ADGRL3: variants seen among roughly 807,000 people sequenced by gnomAD.
ADGRL3 encodes the protein calcium-independent alpha-latrotoxin receptor 3.
A neutral mutation model predicts 153.5 loss-of-function variants in ADGRL3; 62 were observed. That is an observed-to-expected ratio of 0.40 (90% CI 0.33 to 0.50). The LOEUF is 0.50. Among genes scored for constraint, ADGRL3 ranks in the 20% least tolerant of loss-of-function variants. The pLI, the probability that ADGRL3 is intolerant of heterozygous loss-of-function variation, is 0.47. For synonymous variants in ADGRL3, 710 were observed against 672.5 expected, an observed-to-expected ratio of 1.06 and a Z score of -0.86; for missense variants, 1,641 against 1,859.4, an observed-to-expected ratio of 0.88 and a Z score of 2.16.
chr4:61,915,098 T>A (rs1314735070), intron 13 of ADGRL3, among the ~76,000 whole-genome samples: 2 of 151,918 alleles, frequency 1.3e-5, no homozygotes, highest in Non-Finnish European at 2.9e-5. Context: ...AAAGGAGAAT[T>A]TCAACATTGA....
intron 6 of ADGRL3, chr4:61,677,309 C>A: frequency 2.8e-6 from 1 of 350,952 alleles, no homozygotes; most frequent in Non-Finnish European, 5.4e-6. Context: ...GCAGTTGATA[C>A]ATTTTGAATT....
At chr4:61,579,766 A>G (rs1329299195) in intron 4 of ADGRL3, among the ~76,000 whole-genome samples, 1 of 152,018 alleles carries the variant, frequency 6.6e-6, no homozygotes, top group African/African-American at 2.4e-5. Flanking sequence ...ATTCTTTTTT[A>G]ATTGTCACTT....
chr4:61,754,606 GTA>G (rs201445106), intron 8 of ADGRL3, among the ~76,000 whole-genome samples: 1 of 146,986 alleles, frequency 6.8e-6, no homozygotes, highest in African/African-American at 2.6e-5. Flanking sequence ...AGATCTGAGT[GTA>G]TATATATATA....
intron 5 of ADGRL3, among the ~76,000 whole-genome samples, chr4:61,650,510 G>A (rs1406767672): frequency 6.6e-6 from 1 of 152,068 alleles, no homozygotes; most frequent in Non-Finnish European, 1.5e-5. Context: ...AACTTAAATA[G>A]TAAATTTTAT....
At chr4:61,295,863 C>G (rs912209882) in intron 1 of ADGRL3, among the ~76,000 whole-genome samples, 12 of 151,488 alleles carry the variant, frequency 7.9e-5, no homozygotes, top group African/African-American at 2.7e-4. Flanking sequence ...GTCCTAGCTA[C>G]TTGGGAGGCT....
At position 61,658,751 on chromosome 4, in the gene ADGRL3, C is replaced by A. The variant is rs1361895215; in HGVS notation, c.474-18075C>A. Among the ~76,000 whole-genome samples the A allele has an allele frequency of 3.3e-5, 5 of 151,858 alleles. No homozygotes were observed. The East Asian group carries it at 7.8e-4, about 24-fold the overall frequency. On this transcript the variant is annotated intron_variant, in intron 5 of 26. Coordinates refer to ENST00000683033, the MANE Select transcript of ADGRL3 (RefSeq NM_001387552.1). Reference sequence around the variant, plus strand: ...TTATCTGCCTGCCATGCCTTTTCTACCCTCATTCATTTCATCAAGCTGATT... The same window carrying A: ...TTATCTGCCTGCCATGCCTTTTCTAACCTCATTCATTTCATCAAGCTGATT...
At chr4:61,633,089 C>G (rs569964274) in intron 5 of ADGRL3, among the ~76,000 whole-genome samples, 1 of 152,148 alleles carries the variant, frequency 6.6e-6, no homozygotes, top group East Asian at 1.9e-4. Flanking sequence ...AAGGAGTAAA[C>G]TGCATAATAG....
chr4:62,029,418 C>T (rs1017184009), intron 22 of ADGRL3, among the ~76,000 whole-genome samples: 1 of 151,684 alleles, frequency 6.6e-6, no homozygotes, highest in Non-Finnish European at 1.5e-5. Flanking sequence ...AAATTTGACA[C>T]CTGTCACTTG....
chr4:61,913,483 T>A (rs1398465819), intron 13 of ADGRL3, among the ~76,000 whole-genome samples: 2 of 152,168 alleles, frequency 1.3e-5, no homozygotes, highest in Non-Finnish European at 2.9e-5. Flanking sequence ...TTATTCTACA[T>A]GTATACATTT....
intron 2 of ADGRL3, among the ~76,000 whole-genome samples, chr4:61,441,175 C>T (rs1329006651): frequency 3.3e-5 from 5 of 152,092 alleles, no homozygotes; most frequent in African/African-American, 1.2e-4. Context: ...TCTGTATCTC[C>T]AAAAGCCTGA....
At position 61,490,268 on chromosome 4, in the gene ADGRL3, T is replaced by G. The variant is rs554683995; in HGVS notation, c.-173-6853T>G. On this transcript the variant is annotated intron_variant, in intron 2 of 26. Transcript: ENST00000683033. ...CGGTTTTTTTCAACTCTCTTCTTCTTTATCAAATTTGGATTTATATTTTAC... is the reference window on the plus strand; with the variant it reads ...CGGTTTTTTTCAACTCTCTTCTTCTGTATCAAATTTGGATTTATATTTTAC... Among the ~76,000 whole-genome samples, 18 of 150,378 alleles carry G rather than the reference T, an allele frequency of 1.2e-4. 1 individual carries two copies. The South Asian group carries it at 3.9e-3, about 32-fold the overall frequency.
chr4:61,643,005 T>C (rs1315054218), intron 5 of ADGRL3, among the ~76,000 whole-genome samples: 1 of 152,196 alleles, frequency 6.6e-6, no homozygotes, highest in Non-Finnish European at 1.5e-5. Context: ...GTCCTTCACG[T>C]CCCTTGTAAG....
intron 8 of ADGRL3, among the ~76,000 whole-genome samples, chr4:61,739,318 TTG>T (rs1554016745): frequency 2.0e-5 from 3 of 151,138 alleles, no homozygotes; most frequent in African/African-American, 7.4e-5. Flanking sequence ...TTTTTTTTTT[TTG>T]ATTGGAGACA....
chr4:62,075,367 G>C lies in ADGRL3; in HGVS notation c.*4459G>C, dbSNP rs916265180. On this transcript the variant is annotated 3_prime_UTR_variant, in exon 27 of 27. Transcript: ENST00000683033. ...CACTTGGCCTGTGATGTATTGCAGA[G>C]GGAAAAAAACCAACACTACAGAAGT... 3.9e-5 allele frequency: 6 copies of C among 151,914 alleles called. No individual in the cohort carries two copies. Among genetic ancestry groups the C allele is most frequent in the Non-Finnish European group, 8.8e-5 (6 of 67,998 alleles). The allele number at this position is 151,914 out of a possible 1,614,324, so 9.4% of individuals were successfully genotyped here. A position where few individuals can be genotyped will look rare whatever the true frequency, so the allele number is the denominator to read the frequency against.
intron 15 of ADGRL3, among the ~76,000 whole-genome samples, chr4:61,941,335 C>A (rs1366573173): frequency 8.7e-6 from 1 of 115,188 alleles, no homozygotes. Flanking sequence ...GTTACTGTAG[C>A]CTTGTAGTAT....
intron 2 of ADGRL3, among the ~76,000 whole-genome samples, chr4:61,432,586 C>CTTTTTT (rs375051807): frequency 9.9e-5 from 1 of 10,124 alleles, no homozygotes; most frequent in Non-Finnish European, 1.9e-4. Flanking sequence ...TTCTTTCTTT[C>CTTTTTT]TTTCTTTCTT....
At chr4:62,004,665 C>G (rs573819876) in intron 21 of ADGRL3, among the ~76,000 whole-genome samples, 26 of 152,108 alleles carry the variant, frequency 1.7e-4, no homozygotes, top group Non-Finnish European at 3.2e-4. Flanking sequence ...AAAACTGTTA[C>G]ACGTTTTGTA....
At chr4:61,924,742 T>C (rs981488076) in intron 13 of ADGRL3, among the ~76,000 whole-genome samples, 5 of 152,244 alleles carry the variant, frequency 3.3e-5, no homozygotes, top group African/African-American at 9.6e-5. Flanking sequence ...CTCTTCCAGA[T>C]GCCTGCATGG....
intron 1 of ADGRL3, among the ~76,000 whole-genome samples, chr4:61,235,607 C>T (rs1437946536): frequency 6.6e-6 from 1 of 152,074 alleles, no homozygotes; most frequent in Non-Finnish European, 1.5e-5. Context: ...TGGAGTATCA[C>T]CAAACCTGAA....
Sources: gnomAD v4.1 joint callset for allele counts (sites outside exome capture counted in the v4.1 genomes callset) on GRCh38, gnomAD v4.1.1 for gene constraint, MANE v1.5 for transcripts, NCBI Gene and HGNC (gene_info 2026-07-23, HGNC 2026-07-21) for gene names.